SGMS1: variants seen among roughly 807,000 people sequenced by gnomAD.
The protein encoded by SGMS1 is phosphatidylcholine:ceramide cholinephosphotransferase 1.
Under a neutral mutation model 46.2 loss-of-function variants are expected in SGMS1, and 13 were observed. That is an observed-to-expected ratio of 0.28 (90% CI 0.18 to 0.45). The LOEUF (loss-of-function observed/expected upper bound fraction) is 0.45, where lower values mean the gene tolerates loss of function less well. Among genes scored for constraint, SGMS1 ranks in the 20% least tolerant of loss-of-function variants. SGMS1 has a pLI of 1.00. For missense variants in SGMS1, 324 were observed against 519.9 expected, an observed-to-expected ratio of 0.62 and a Z score of 3.66; for synonymous variants, 203 against 187.8, an observed-to-expected ratio of 1.08 and a Z score of -0.66.
intron 7 of SGMS1, among the ~76,000 whole-genome samples, chr10:50,337,394 A>G (rs970134939): frequency 5.9e-5 from 9 of 152,214 alleles, no homozygotes; most frequent in Admixed American, 4.6e-4. Context: ...TGACCTTAAG[A>G]AAAGGTTCTT....
chr10:50,352,435 A>T (rs1375136656), intron 6 of SGMS1, among the ~76,000 whole-genome samples: 2 of 152,240 alleles, frequency 1.3e-5, no homozygotes, highest in African/African-American at 4.8e-5. Context: ...GTTAAAAAAT[A>T]ACATAGAGCC....
chr10:50,445,290 TG>T (rs1176807403), intron 5 of SGMS1, among the ~76,000 whole-genome samples: 1 of 152,128 alleles, frequency 6.6e-6, no homozygotes, highest in Non-Finnish European at 1.5e-5. Flanking sequence ...TTTAGAAAAA[TG>T]TTTGACAATT....
At chr10:50,595,869 C>T (rs1294359972) in intron 1 of SGMS1, among the ~76,000 whole-genome samples, 2 of 152,174 alleles carry the variant, frequency 1.3e-5, no homozygotes, top group Non-Finnish European at 2.9e-5. Flanking sequence ...AGGACTCAGT[C>T]AGAAGACGAC....
At chr10:50,487,679 T>C (rs917343327) in intron 3 of SGMS1, among the ~76,000 whole-genome samples, 5 of 152,186 alleles carry the variant, frequency 3.3e-5, no homozygotes, top group Non-Finnish European at 7.3e-5. Flanking sequence ...TCAGAACACA[T>C]GAATGTACTT....
chr10:50,585,547 G>A (rs1374973577), intron 2 of SGMS1, among the ~76,000 whole-genome samples: 5 of 152,212 alleles, frequency 3.3e-5, no homozygotes, highest in Admixed American at 6.5e-5. Flanking sequence ...TATTCTAAAA[G>A]CAGCTATGCT....
At chr10:50,479,469 A>G (rs1298540650) in intron 3 of SGMS1, among the ~76,000 whole-genome samples, 1 of 152,182 alleles carries the variant, frequency 6.6e-6, no homozygotes, top group Admixed American at 6.5e-5. Context: ...ATATTGAACA[A>G]TATATTGGAG....
intron 3 of SGMS1, among the ~76,000 whole-genome samples, chr10:50,516,721 C>A (rs1029516491): frequency 1.3e-5 from 2 of 152,170 alleles, no homozygotes; most frequent in African/African-American, 4.8e-5. Flanking sequence ...TACTTAGAGA[C>A]AACTGATTTT....
intron 3 of SGMS1, among the ~76,000 whole-genome samples, chr10:50,512,007 A>G (rs184108970): frequency 6.6e-6 from 1 of 152,296 alleles, no homozygotes; most frequent in African/African-American, 2.4e-5. Flanking sequence ...GTCAATAAAC[A>G]TTCAGTGAAT....
intron 6 of SGMS1, among the ~76,000 whole-genome samples, chr10:50,373,170 T>A (rs556576894): frequency 6.6e-6 from 1 of 152,298 alleles, no homozygotes; most frequent in South Asian, 2.1e-4. Flanking sequence ...CCCAAAAGCT[T>A]TTGAAAGTAT....
At chr10:50,474,157 T>G (rs1190731202) in intron 3 of SGMS1, 1 of 152,192 alleles carries the variant, frequency 6.6e-6, no homozygotes, top group Non-Finnish European at 1.5e-5. Context: ...TGACCTGGTT[T>G]TTGCAACCAA....
At position 50,580,123 on chromosome 10, in the gene SGMS1, A is replaced by G. The variant is rs964613694; in HGVS notation, c.-589+10030T>C. Among the ~76,000 whole-genome samples, 4 of 152,148 alleles carry G rather than the reference A, an allele frequency of 2.6e-5. No individual in the cohort carries two copies. The East Asian group carries it at 7.7e-4, about 29-fold the overall frequency. On this transcript the variant is annotated intron_variant, in intron 2 of 10. Coordinates refer to ENST00000361781, the MANE Select transcript of SGMS1 (RefSeq NM_147156.4). ...AAATTTAAAGTAATCAAACTATACTATATTACCCAGCACATTTGTGAATCC... is the reference window on the plus strand; with the variant it reads ...AAATTTAAAGTAATCAAACTATACTGTATTACCCAGCACATTTGTGAATCC...
intron 1 of SGMS1, among the ~76,000 whole-genome samples, chr10:50,608,341 G>A (rs1228732362): frequency 6.6e-6 from 1 of 152,114 alleles, no homozygotes; most frequent in African/African-American, 2.4e-5. Context: ...AAGAGCAAGA[G>A]GGGAAAGAGA....
chr10:50,543,176 T>C (rs189407700), intron 2 of SGMS1, among the ~76,000 whole-genome samples: 1 of 152,286 alleles, frequency 6.6e-6, no homozygotes, highest in East Asian at 1.9e-4. Context: ...CATTACAATA[T>C]GCTCAGCTGG....
chr10:50,550,290 GC>G (rs1838137517), intron 2 of SGMS1, among the ~76,000 whole-genome samples: 1 of 152,184 alleles, frequency 6.6e-6, no homozygotes, highest in Non-Finnish European at 1.5e-5. Context: ...ATCCTTGGTA[GC>G]AAATAATAGG....
Position 50,441,343 on chromosome 10 carries a change from A to G in SGMS1, c.-312-7787T>C, listed in dbSNP as rs1385116525. On this transcript the variant is annotated intron_variant, in intron 5 of 10. Transcript: ENST00000361781. ...ACCAGAAAACCCATTTGGCCAACCA[A>G]CTTTATTTCCAAATCTCTATATTTC... 5.9e-5 allele frequency among the ~76,000 whole-genome samples: 9 copies of G among 152,088 alleles called. No homozygotes were observed. In the East Asian group the frequency reaches 1.7e-3, roughly 29 times the overall value.
chr10:50,447,810 A>T (rs1319788153), intron 5 of SGMS1, among the ~76,000 whole-genome samples: 1 of 152,200 alleles, frequency 6.6e-6, no homozygotes, highest in Non-Finnish European at 1.5e-5. Context: ...ATACATGGTT[A>T]TTTACTGGAG....
At chr10:50,323,652 T>C (rs1206645155) in intron 8 of SGMS1, among the ~76,000 whole-genome samples, 6 of 152,244 alleles carry the variant, frequency 3.9e-5, no homozygotes, top group Non-Finnish European at 8.8e-5. Flanking sequence ...ATCTCACAGA[T>C]ACTTTAAACT....
intron 6 of SGMS1, among the ~76,000 whole-genome samples, chr10:50,407,123 T>C (rs565203413): frequency 9.3e-4 from 141 of 152,274 alleles, no homozygotes; most frequent in African/African-American, 2.9e-3. Context: ...ATTTCTGCAG[T>C]AGGCCCAGTG....
intron 5 of SGMS1, among the ~76,000 whole-genome samples, chr10:50,439,016 T>C (rs1170754346): frequency 6.6e-6 from 1 of 152,212 alleles, no homozygotes; most frequent in Middle Eastern, 3.2e-3. Flanking sequence ...AGACCCTATA[T>C]GGCATACAAT....
Sources: allele counts gnomAD v4.1 joint callset (sites outside exome capture counted in the v4.1 genomes callset), GRCh38; gene constraint gnomAD v4.1.1; transcripts MANE v1.5; gene names NCBI Gene and HGNC (gene_info 2026-07-23, HGNC 2026-07-21).